Variants in CCNT1 observed in about 807,000 individuals in gnomAD.
CCNT1 encodes the protein cyclin T1.
CCNT1 carries 18 observed loss-of-function variants against 67.3 expected under a neutral mutation model. That is an observed-to-expected ratio of 0.27 (90% CI 0.18 to 0.40). CCNT1 has a LOEUF of 0.40. CCNT1 is among the 10% of genes least tolerant of loss of function. The pLI is 1.00. For synonymous variants in CCNT1, 333 were observed against 310.3 expected (o/e 1.07, Z -0.77); for missense variants, 744 against 884.9 (o/e 0.84, Z 2.02).
rs1315546061 is a variant in CCNT1, at chr12:48,695,299, GA to G, written c.777+459del. ...AAAAAGGAATGATTCCATTATTCCT[GA>G]ATAAGGCTTTGACAAGTATTTGAAA... On this transcript the variant is annotated intron_variant, in intron 8 of 8. Transcript: ENST00000261900. Among the ~76,000 whole-genome samples, 8 of 152,280 alleles carry G rather than the reference GA, an allele frequency of 5.3e-5. 1 individual carries two copies. The highest frequency in any genetic ancestry group is 4.1e-4 in the South Asian group (2 of 4,830).
intron 2 of CCNT1, among the ~76,000 whole-genome samples, chr12:48,706,718 A>C (rs1473890524): frequency 7.2e-5 from 11 of 152,208 alleles, no homozygotes; most frequent in Non-Finnish European, 2.9e-5. Context: ...ACCAGGAGTC[A>C]AAGAAATACA....
Position 48,690,728 on chromosome 12 carries a change from A to G in CCNT1, c.*2305T>C, listed in dbSNP as rs1256026428. The stretch of plus-strand genomic sequence containing the variant: ...TTCACTCCTGGCAAAGTTCTAAGGA[A>G]CTTTACTACAGTACGGCCATGGATA... On this transcript the variant is annotated 3_prime_UTR_variant, in exon 9 of 9. Coordinates refer to ENST00000261900, the MANE Select transcript of CCNT1 (RefSeq NM_001240.4). 1 of 152,178 alleles carries G rather than the reference A, an allele frequency of 6.6e-6. No homozygotes were observed. The highest frequency in any genetic ancestry group is 1.5e-5 in the Non-Finnish European group (1 of 68,022). 9.4% of individuals were successfully genotyped at this position (152,178 alleles called of 1,614,324 possible). A position where few individuals can be genotyped will look rare whatever the true frequency, so the allele number is the denominator to read the frequency against.
chr12:48,700,457 T>C, intron 4 of CCNT1, among the ~76,000 whole-genome samples: 1 of 151,962 alleles, frequency 6.6e-6, no homozygotes, highest in Non-Finnish European at 1.5e-5. Context: ...TCATGAAATC[T>C]TACCCTACCT....
rs147258535 is a variant in CCNT1 at position 48,703,698 on chromosome 12, G to A, written c.372+2070C>T. On this transcript the variant is annotated intron_variant, in intron 3 of 8. Coordinates refer to ENST00000261900, the MANE Select transcript of CCNT1 (RefSeq NM_001240.4). Reference sequence around the variant, plus strand: ...CGCCTGTAATCCCAGCACTTGGGAGGCCAAGGTGGGCGAATTACTTGAGCT... The same window carrying A: ...CGCCTGTAATCCCAGCACTTGGGAGACCAAGGTGGGCGAATTACTTGAGCT... 2.8e-3 allele frequency among the ~76,000 whole-genome samples: 428 copies of A among 152,240 alleles called. 7 individuals carry two copies. Among genetic ancestry groups the A allele is most frequent in the East Asian group, 0.018 (95 of 5,184 alleles).
chr12:48,688,582 G>T lies in CCNT1; in HGVS notation c.*4451C>A, dbSNP rs1218998704. On this transcript the variant is annotated 3_prime_UTR_variant, in exon 9 of 9. Coordinates refer to ENST00000261900, the MANE Select transcript of CCNT1 (RefSeq NM_001240.4). The stretch of plus-strand genomic sequence containing the variant: ...TGTATACATCCTTTTTAAATTTTTT[G>T]AATTTTTTTACAAAGAGCCCTTACT... The T allele has an allele frequency of 6.6e-6, 1 of 151,860 alleles. No homozygotes were observed. Among genetic ancestry groups the T allele is most frequent in the Non-Finnish European group, 1.5e-5 (1 of 67,950 alleles). The allele number at this position is 151,860 out of a possible 1,614,324, so 9.4% of individuals were successfully genotyped here.
rs201423333 is a variant in CCNT1 at position 48,693,796 on chromosome 12, G to T, written c.1418C>A (p.Ala473Glu). 5.0e-6 allele frequency: 8 copies of T among 1,613,974 alleles called. No individual in the cohort carries two copies. In the Admixed American group the frequency reaches 1.0e-4, roughly 20 times the overall value. The change falls in exon 9 of 9, where the codon GCG (alanine) becomes GAG (glutamate). Residue 473 changes from alanine (A) to glutamate (E), a missense_variant. By Grantham distance (107) the Ala-to-Glu change is moderately radical (BLOSUM62 -1). This residue lies in a region of CCNT1 where 564 missense variants were observed against 574.2 expected (regional missense o/e 0.98). Coordinates refer to ENST00000261900, the MANE Select transcript of CCNT1 (RefSeq NM_001240.4). ...RIPVAGGDKA[A>E]SSKPEEIKMR... ...TTTTATCTCCTCTGGTTTTGAAGAC[G>T]CAGCTTTATCTCCACCTGCCACTGG... is the stretch of plus-strand genomic sequence containing the variant.
intron 2 of CCNT1, 67 bp downstream of exon 2, chr12:48,714,376 C>T (rs1940502124): frequency 9.9e-7 from 1 of 1,012,944 alleles, no homozygotes; most frequent in East Asian, 2.5e-5. Flanking sequence ...AAAGACCAAC[C>T]ACAAATGGAA....
intron 2 of CCNT1, among the ~76,000 whole-genome samples, chr12:48,710,436 C>T (rs1314918661): frequency 6.6e-6 from 1 of 152,104 alleles, no homozygotes; most frequent in African/African-American, 2.4e-5. Context: ...AAAGGATCAA[C>T]AACTTCAAAT....
chr12:48,697,534 A>ATATATATATAT (rs1555157838), intron 6 of CCNT1, among the ~76,000 whole-genome samples: 5 of 130,710 alleles, frequency 3.8e-5, no homozygotes, highest in African/African-American at 1.5e-4. Context: ...AAAAAAAAAA[A>ATATATATATAT]ATATATATAT....
chr12:48,699,707 G>T, intron 5 of CCNT1, 71 bp downstream of exon 5: 1 of 1,050,190 alleles, frequency 9.5e-7, no homozygotes, highest in Non-Finnish European at 1.5e-6. Context: ...ATTATGTATT[G>T]TCCACCACAA....
rs776132474 is a variant in CCNT1 at position 48,698,164 on chromosome 12, C to A, written c.516G>T (p.Gln172His). The A allele has an allele frequency of 3.0e-6, 4 of 1,320,246 alleles. No homozygotes were observed. The highest frequency in any genetic ancestry group is 2.6e-5 in the East Asian group (1 of 38,202). 81.8% of individuals were successfully genotyped at this position (1,320,246 alleles called of 1,614,324 possible). Residue 172 changes from glutamine (Q) to histidine (H), a missense_variant, in exon 6 of 9, where the codon CAG (glutamine) becomes CAT (histidine). By Grantham distance (24) the Gln-to-His change is conservative. Transcript: ENST00000261900. ...QLVRASKDLA[Q>H]TSYFMATNSL... is the part of the protein sequence containing the mutation. Reference sequence around the variant, plus strand: ...TGTTGGTTGCCATGAAGTAAGAAGTCTGTGCTAAGTCCTTGCTTGCTAAAG... The same window carrying A: ...TGTTGGTTGCCATGAAGTAAGAAGTATGTGCTAAGTCCTTGCTTGCTAAAG...
chr12:48,704,277 G>A (rs1186350049), intron 3 of CCNT1, among the ~76,000 whole-genome samples: 1 of 152,206 alleles, frequency 6.6e-6, no homozygotes, highest in Non-Finnish European at 1.5e-5. Context: ...TTGAGCAGCA[G>A]GTACGAGTGA....
intron 1 of CCNT1, among the ~76,000 whole-genome samples, chr12:48,715,198 C>T (rs1265247972): frequency 6.6e-6 from 1 of 152,180 alleles, no homozygotes; most frequent in East Asian, 1.9e-4. Flanking sequence ...AGATTTAACT[C>T]CATACTGACA....
chr12:48,705,213 GCA>G (rs1457194697), intron 3 of CCNT1, among the ~76,000 whole-genome samples: 3 of 152,134 alleles, frequency 2.0e-5, no homozygotes, highest in Non-Finnish European at 4.4e-5. Flanking sequence ...CCATGCTCAA[GCA>G]ACCCTCCCAC....
intron 2 of CCNT1, among the ~76,000 whole-genome samples, chr12:48,712,595 TAAAAAAAA>T (rs759919820): frequency 3.0e-5 from 1 of 33,362 alleles, no homozygotes; most frequent in African/African-American, 1.5e-4. Flanking sequence ...AAAAAAAAAA[TAAAAAAAA>T]AAAAAAAAAA....
At chr12:48,697,534 A>AAATATAT (rs1288926072) in intron 6 of CCNT1, among the ~76,000 whole-genome samples, 6 of 130,710 alleles carry the variant, frequency 4.6e-5, no homozygotes, top group African/African-American at 9.1e-5. Context: ...AAAAAAAAAA[A>AAATATAT]ATATATATAT....
At chr12:48,701,666 G>A (rs1940272044) in intron 3 of CCNT1, among the ~76,000 whole-genome samples, 1 of 151,562 alleles carries the variant, frequency 6.6e-6, no homozygotes, top group Non-Finnish European at 1.5e-5. Context: ...GGAGTGCAAT[G>A]GCACAATCTC....
intron 2 of CCNT1, among the ~76,000 whole-genome samples, chr12:48,706,415 A>T (rs1592124145): frequency 6.6e-6 from 1 of 152,362 alleles, no homozygotes; most frequent in Non-Finnish European, 1.5e-5. Context: ...AGTGAACTAT[A>T]TAATTTAAAC....
At chr12:48,708,373 T>C (rs7306604) in intron 2 of CCNT1, among the ~76,000 whole-genome samples, 89,449 of 151,756 alleles carry the variant, frequency 0.59, 26,646 homozygotes, top group East Asian at 0.77. Context: ...GTGGTAAAAC[T>C]CCATATCTAC....
Sources: gnomAD v4.1 joint callset for allele counts (sites outside exome capture counted in the v4.1 genomes callset) on GRCh38, gnomAD v4.1.1 for gene constraint, gnomAD v4.1.1 regional missense constraint, MANE v1.5 for transcripts, NCBI Gene and HGNC (gene_info 2026-07-23, HGNC 2026-07-21) for gene names.